The following MAN1A2 variants were observed in gnomAD, a reference collection of about 807,000 sequenced individuals.
MAN1A2 encodes the protein mannosyl-oligosaccharide 1,2-alpha-mannosidase IB.
In MAN1A2, 26 loss-of-function variants were observed where a neutral mutation model predicts 75.7. The ratio of observed to expected loss-of-function variants is 0.34; its 90% CI spans 0.25 to 0.48. The LOEUF (loss-of-function observed/expected upper bound fraction) is 0.48, where lower values mean the gene tolerates loss of function less well. MAN1A2 is among the 20% of genes least tolerant of loss of function. The pLI is 0.99. For missense variants in MAN1A2, 562 were observed against 775.5 expected (o/e 0.72, Z 3.27); for synonymous variants, 247 against 264.6 (o/e 0.93, Z 0.65).
rs1653058890 is a variant in MAN1A2, at chr1:117,373,945, T to TA, written c.302+5461dup. ...TTTTTTTAAGTGAAAGCAAGTTTATTAGAGGAGGAAAGAAACAAAGGATTA... is the reference window on the plus strand; with the variant it reads ...TTTTTTTAAGTGAAAGCAAGTTTATTAAGAGGAGGAAAGAAACAAAGGATTA... On this transcript the variant is annotated intron_variant, in intron 1 of 12. Coordinates refer to ENST00000356554, the MANE Select transcript of MAN1A2 (RefSeq NM_006699.5). Among the ~76,000 whole-genome samples, 3 of 152,000 alleles carry TA rather than the reference T, an allele frequency of 2.0e-5. No homozygotes were observed. In the South Asian group the frequency reaches 6.2e-4, roughly 32 times the overall value.
Position 117,526,551 on chromosome 1 carries a change from C to A in MAN1A2, c.*3594C>A, listed in dbSNP as rs774926183. 3 of 151,226 alleles carry A rather than the reference C, an allele frequency of 2.0e-5. No individual in the cohort carries two copies. Among genetic ancestry groups the A allele is most frequent in the Non-Finnish European group, 4.4e-5 (3 of 67,624 alleles). The allele number at this position is 151,226 out of a possible 1,614,324, so 9.4% of individuals were successfully genotyped here. A position where few individuals can be genotyped will look rare whatever the true frequency, so the allele number is the denominator to read the frequency against. On this transcript the variant is annotated 3_prime_UTR_variant, in exon 13 of 13. Transcript: ENST00000356554. The stretch of plus-strand genomic sequence containing the variant: ...AAAATATTTACTTTAGAAATAAAAA[C>A]GTTCTTATTTTGCTATATCACTTTA...
intron 7 of MAN1A2, 148 bp downstream of exon 7, chr1:117,460,760 A>G (rs1649791868): frequency 1.0e-5 from 9 of 888,200 alleles, no homozygotes; most frequent in African/African-American, 1.7e-5. Context: ...AAGTTACTCA[A>G]AGAAATGTCC....
At chr1:117,391,291 T>A (rs1026370625) in intron 1 of MAN1A2, among the ~76,000 whole-genome samples, 2 of 152,198 alleles carry the variant, frequency 1.3e-5, no homozygotes, top group African/African-American at 4.8e-5. Context: ...GTTCTGTAAA[T>A]GTCAATTAGG....
At chr1:117,403,864 A>G (rs1647524676) in intron 2 of MAN1A2, among the ~76,000 whole-genome samples, 2 of 152,184 alleles carry the variant, frequency 1.3e-5, no homozygotes, top group East Asian at 1.9e-4. Context: ...GGGGTTAAGC[A>G]TCCAGTCTTT....
rs186973360 is a variant in MAN1A2, at chr1:117,434,621, A to G, written c.856-7610A>G. ...CATCCATAGGAGAGTGACTGAATAA[A>G]TTGATATATCTGTTACCATAGGATA... On this transcript the variant is annotated intron_variant, in intron 5 of 12. Coordinates refer to ENST00000356554, the MANE Select transcript of MAN1A2 (RefSeq NM_006699.5). Among the ~76,000 whole-genome samples the G allele has an allele frequency of 3.8e-3, 580 of 152,316 alleles. 7 individuals carry two copies. Among genetic ancestry groups the G allele is most frequent in the African/African-American group, 0.013 (553 of 41,578 alleles).
At chr1:117,515,600 A>T (rs1651687659) in intron 12 of MAN1A2, 1 of 152,156 alleles carries the variant, frequency 6.6e-6, no homozygotes, top group South Asian at 2.1e-4. Flanking sequence ...TAAAGAAACT[A>T]GACCGACTAA....
intron 8 of MAN1A2, among the ~76,000 whole-genome samples, chr1:117,482,691 G>T (rs1428096821): frequency 6.6e-6 from 1 of 151,848 alleles, no homozygotes; most frequent in African/African-American, 2.4e-5. Flanking sequence ...TCTGTAGGTT[G>T]CCTGTTCACT....
At chr1:117,437,061 G>A (rs1489252224) in intron 5 of MAN1A2, among the ~76,000 whole-genome samples, 1 of 152,182 alleles carries the variant, frequency 6.6e-6, no homozygotes, top group Admixed American at 6.5e-5. Flanking sequence ...TTGGTTCTGA[G>A]GAACAGCCAT....
At chr1:117,478,912 C>CT (rs1226837613) in intron 8 of MAN1A2, among the ~76,000 whole-genome samples, 12 of 151,082 alleles carry the variant, frequency 7.9e-5, no homozygotes, top group Non-Finnish European at 1.2e-4. Context: ...TTCTTTCTTT[C>CT]TTTTTTTTTC....
At chr1:117,417,534 A>T (rs201105462) in intron 4 of MAN1A2, among the ~76,000 whole-genome samples, 3 of 89,212 alleles carry the variant, frequency 3.4e-5, no homozygotes, top group Admixed American at 1.2e-4. Context: ...CTTGAGTTTA[A>T]ATATATATAT....
At chr1:117,383,314 C>G (rs985082059) in intron 1 of MAN1A2, among the ~76,000 whole-genome samples, 4 of 152,126 alleles carry the variant, frequency 2.6e-5, no homozygotes, top group Admixed American at 1.3e-4. Flanking sequence ...GGGATAAAGT[C>G]TACCTGCCTA....
At chr1:117,477,272 C>G (rs907527538) in intron 8 of MAN1A2, among the ~76,000 whole-genome samples, 4 of 151,948 alleles carry the variant, frequency 2.6e-5, no homozygotes, top group African/African-American at 9.7e-5. Context: ...GGGAAATCCT[C>G]CGTAACTTAT....
chr1:117,397,989 A>C (rs1647258885), intron 1 of MAN1A2, among the ~76,000 whole-genome samples: 1 of 152,144 alleles, frequency 6.6e-6, no homozygotes, highest in Non-Finnish European at 1.5e-5. Flanking sequence ...TCATGATGGT[A>C]TATAGACTTT....
chr1:117,395,386 A>C (rs767109902), intron 1 of MAN1A2, among the ~76,000 whole-genome samples: 1 of 152,176 alleles, frequency 6.6e-6, no homozygotes, highest in Non-Finnish European at 1.5e-5. Context: ...TTTGTGCCTT[A>C]ATTTTTTCAT....
chr1:117,368,992 G>A (rs1652865500), intron 1 of MAN1A2, among the ~76,000 whole-genome samples: 3 of 152,180 alleles, frequency 2.0e-5, no homozygotes, highest in African/African-American at 7.2e-5. Context: ...TGACAAACGT[G>A]GGCAGAATAT....
At chr1:117,417,534 A>ATATATATATATAT (rs1648033932) in intron 4 of MAN1A2, among the ~76,000 whole-genome samples, 2 of 89,208 alleles carry the variant, frequency 2.2e-5, no homozygotes, top group South Asian at 9.6e-4. Context: ...CTTGAGTTTA[A>ATATATATATATAT]ATATATATAT....
At chr1:117,432,193 A>G (rs552710975) in intron 5 of MAN1A2, among the ~76,000 whole-genome samples, 1 of 152,360 alleles carries the variant, frequency 6.6e-6, no homozygotes, top group Admixed American at 6.5e-5. Flanking sequence ...ACAGATTACC[A>G]ATAGCAGGAG....
intron 1 of MAN1A2, among the ~76,000 whole-genome samples, chr1:117,378,545 A>T (rs1557925604): frequency 6.6e-6 from 1 of 152,242 alleles, no homozygotes; most frequent in East Asian, 1.9e-4. Flanking sequence ...TTGCAAAAAC[A>T]TTCTGTACAT....
At chr1:117,391,194 A>G (rs1653707186) in intron 1 of MAN1A2, among the ~76,000 whole-genome samples, 1 of 152,138 alleles carries the variant, frequency 6.6e-6, no homozygotes, top group African/African-American at 2.4e-5. Flanking sequence ...TTTTAATTTC[A>G]TTGAAACTTG....
Sources: allele counts gnomAD v4.1 joint callset (sites outside exome capture counted in the v4.1 genomes callset), GRCh38; gene constraint gnomAD v4.1.1; transcripts MANE v1.5; gene names NCBI Gene and HGNC (gene_info 2026-07-23, HGNC 2026-07-21).